RAB2A: variants seen among roughly 807,000 people sequenced by gnomAD.
RAB2A encodes the protein RAB2A, member RAS oncogene family.
RAB2A carries 7 observed loss-of-function variants against 32.5 expected under a neutral mutation model. That is an observed-to-expected ratio of 0.22 (90% CI 0.12 to 0.40). RAB2A has a LOEUF of 0.40. Ranked by LOEUF, RAB2A falls within the 10% of genes least tolerant of loss-of-function variation. RAB2A has a pLI of 1.00. For synonymous variants in RAB2A, 79 were observed against 85.2 expected, an observed-to-expected ratio of 0.93 and a Z score of 0.40; for missense variants, 108 against 260.7, an observed-to-expected ratio of 0.41 and a Z score of 4.03.
rs970041636 is a variant in RAB2A at position 60,575,049 on chromosome 8, C to G, written c.186+2936C>G. ...TTCTTTTGGAGGTTGTTTCTTGAGTCTTTGTCTTACAGGTTTTCCTCTTTT... is the reference window on the plus strand; with the variant it reads ...TTCTTTTGGAGGTTGTTTCTTGAGTGTTTGTCTTACAGGTTTTCCTCTTTT... On this transcript the variant is annotated intron_variant, in intron 3 of 7. Coordinates refer to ENST00000262646, the MANE Select transcript of RAB2A (RefSeq NM_002865.3). Among the ~76,000 whole-genome samples the G allele has an allele frequency of 1.5e-4, 21 of 142,876 alleles. 1 individual carries two copies. Among genetic ancestry groups the G allele is most frequent in the African/African-American group, 3.7e-4 (14 of 38,320 alleles). 93.7% of individuals were successfully genotyped at this position (142,876 alleles called of 152,430 possible). A position where few individuals can be genotyped will look rare whatever the true frequency, so the allele number is the denominator to read the frequency against.
At chr8:60,540,583 G>C (rs748183438) in intron 1 of RAB2A, among the ~76,000 whole-genome samples, 4 of 152,148 alleles carry the variant, frequency 2.6e-5, no homozygotes, top group African/African-American at 4.8e-5. Flanking sequence ...AGGTTTAAGC[G>C]ATTCCCGTGC....
At chr8:60,582,934 C>A (rs1282455100) in intron 3 of RAB2A, among the ~76,000 whole-genome samples, 1 of 152,086 alleles carries the variant, frequency 6.6e-6, no homozygotes, top group Admixed American at 6.5e-5. Context: ...ATGCGTGAGC[C>A]ACCATGCCCA....
chr8:60,524,646 C>T (rs532959746), intron 1 of RAB2A, among the ~76,000 whole-genome samples: 2 of 152,318 alleles, frequency 1.3e-5, no homozygotes, highest in South Asian at 4.1e-4. Flanking sequence ...CTTTTAATTT[C>T]TGCAGTGTTT....
chr8:60,619,788 G>C (rs1249095732), intron 7 of RAB2A, among the ~76,000 whole-genome samples: 2 of 152,196 alleles, frequency 1.3e-5, no homozygotes, highest in South Asian at 4.1e-4. Flanking sequence ...ATTGTAATGT[G>C]CTGTTGGGAG....
intron 3 of RAB2A, among the ~76,000 whole-genome samples, chr8:60,579,134 C>T (rs1036527843): frequency 6.6e-6 from 1 of 152,160 alleles, no homozygotes; most frequent in African/African-American, 2.4e-5. Context: ...CCTCCGCCTC[C>T]TGGGTTCAAG....
chr8:60,572,516 C>T (rs1456283778), intron 3 of RAB2A, among the ~76,000 whole-genome samples: 1 of 152,164 alleles, frequency 6.6e-6, no homozygotes, highest in Non-Finnish European at 1.5e-5. Flanking sequence ...TCACGTTGCT[C>T]TTAATTCAGT....
At chr8:60,570,349 C>G (rs1008414510) in intron 2 of RAB2A, among the ~76,000 whole-genome samples, 2 of 152,128 alleles carry the variant, frequency 1.3e-5, no homozygotes, top group Non-Finnish European at 2.9e-5. Context: ...GAAAAAGCCT[C>G]TACTCTGTCT....
At chr8:60,564,736 A>C (rs1477987968) in intron 2 of RAB2A, among the ~76,000 whole-genome samples, 2 of 152,194 alleles carry the variant, frequency 1.3e-5, no homozygotes, top group African/African-American at 4.8e-5. Context: ...ACTGTTCTTA[A>C]CATTTTAAAC....
intron 3 of RAB2A, among the ~76,000 whole-genome samples, chr8:60,581,734 A>G (rs1309026285): frequency 6.6e-6 from 1 of 152,130 alleles, no homozygotes; most frequent in Non-Finnish European, 1.5e-5. Context: ...GGCTGGGAAC[A>G]GTGGCCCACA....
chr8:60,596,524 G>A (rs758334662), intron 6 of RAB2A, among the ~76,000 whole-genome samples: 3 of 152,120 alleles, frequency 2.0e-5, no homozygotes, highest in African/African-American at 4.8e-5. Flanking sequence ...ACATTTATGC[G>A]GCCAACAAAC....
At chr8:60,550,378 G>A (rs559021566) in intron 1 of RAB2A, among the ~76,000 whole-genome samples, 20 of 151,562 alleles carry the variant, frequency 1.3e-4, no homozygotes, top group Non-Finnish European at 2.5e-4. Flanking sequence ...ACTGGTTCAC[G>A]GTTTTTTTTG....
Position 60,585,282 on chromosome 8 carries a change from T to TTTTGTTTTG in RAB2A, c.362+470_362+471insGTTTTGTTT, listed in dbSNP as rs1563478268. On this transcript the variant is annotated intron_variant, in intron 5 of 7. Transcript: ENST00000262646. Reference sequence around the variant, plus strand: ...ATTTTCAAAATGCTAGGCACCATTCTTTTTGTTTTGTTTTGTTTTGTTTTG... The same window carrying TTTTGTTTTG: ...ATTTTCAAAATGCTAGGCACCATTCTTTTGTTTTGTTTTGTTTTGTTTTGTTTTGTTTTG... Among the ~76,000 whole-genome samples the TTTTGTTTTG allele has an allele frequency of 6.2e-4, 92 of 148,652 alleles. 1 individual carries two copies. The highest frequency in any genetic ancestry group is 2.2e-3 in the African/African-American group (88 of 39,600).
intron 1 of RAB2A, among the ~76,000 whole-genome samples, chr8:60,548,607 C>A (rs932086195): frequency 6.9e-6 from 1 of 143,972 alleles, no homozygotes; most frequent in Non-Finnish European, 1.5e-5. Context: ...AGGCGCCCCT[C>A]ACTTCCCGGA....
At chr8:60,578,013 T>G (rs749820525) in intron 3 of RAB2A, among the ~76,000 whole-genome samples, 3 of 152,164 alleles carry the variant, frequency 2.0e-5, no homozygotes, top group Non-Finnish European at 4.4e-5. Context: ...AGGGACAGTT[T>G]ATTTGGCTGT....
chr8:60,565,915 A>G (rs944046724), intron 2 of RAB2A, among the ~76,000 whole-genome samples: 4 of 151,770 alleles, frequency 2.6e-5, no homozygotes, highest in African/African-American at 4.8e-5. Context: ...GGGTTTCACT[A>G]TGTTAGCCAG....
At chr8:60,531,153 G>T (rs556563749) in intron 1 of RAB2A, among the ~76,000 whole-genome samples, 2 of 152,172 alleles carry the variant, frequency 1.3e-5, no homozygotes, top group African/African-American at 4.8e-5. Context: ...ATCAGTGTCA[G>T]TGGTGTATTC....
intron 1 of RAB2A, among the ~76,000 whole-genome samples, chr8:60,541,816 C>T (rs1280803551): frequency 1.3e-5 from 2 of 152,162 alleles, no homozygotes; most frequent in Non-Finnish European, 2.9e-5. Flanking sequence ...GGTTGAAACA[C>T]AGGTCTAGAT....
At chr8:60,551,189 A>G (rs1253045186) in intron 1 of RAB2A, among the ~76,000 whole-genome samples, 3 of 152,170 alleles carry the variant, frequency 2.0e-5, no homozygotes, top group Non-Finnish European at 2.9e-5. Flanking sequence ...ACACCCTGCA[A>G]CTGATTCTAT....
At chr8:60,563,877 T>G (rs1214191995) in intron 2 of RAB2A, among the ~76,000 whole-genome samples, 1 of 152,194 alleles carries the variant, frequency 6.6e-6, no homozygotes, top group Non-Finnish European at 1.5e-5. Context: ...TAATCATTCC[T>G]GCATGCACCC....
Sources: allele counts gnomAD v4.1 joint callset (sites outside exome capture counted in the v4.1 genomes callset), GRCh38; gene constraint gnomAD v4.1.1; transcripts MANE v1.5; gene names NCBI Gene and HGNC (gene_info 2026-07-23, HGNC 2026-07-21).